The following LSAMP variants were observed in gnomAD, a reference collection of about 807,000 sequenced individuals.
LSAMP encodes the protein limbic system associated membrane protein.
A neutral mutation model predicts 38.6 loss-of-function variants in LSAMP; 7 were observed. That is an observed-to-expected ratio of 0.18 (90% CI 0.10 to 0.34). LSAMP has a LOEUF of 0.34. Among genes scored for constraint, LSAMP ranks in the 10% least tolerant of loss-of-function variants. LSAMP has a pLI of 1.00. For missense variants in LSAMP, 313 were observed against 420.0 expected, an observed-to-expected ratio of 0.75 and a Z score of 2.23; for synonymous variants, 154 against 166.8, an observed-to-expected ratio of 0.92 and a Z score of 0.59.
chr3:116,418,316 T>C (rs2049077532), intron 1 of LSAMP, among the ~76,000 whole-genome samples: 1 of 152,156 alleles, frequency 6.6e-6, no homozygotes, highest in Non-Finnish European at 1.5e-5. Flanking sequence ...CATCTCAAAC[T>C]CAGCATGTGT....
intron 1 of LSAMP, among the ~76,000 whole-genome samples, chr3:116,335,313 C>T (rs1007389704): frequency 2.6e-5 from 4 of 151,996 alleles, no homozygotes; most frequent in Admixed American, 1.3e-4. Flanking sequence ...GAATGAATGC[C>T]ATCCCTATCA....
chr3:116,302,686 AG>A (rs2047426276), intron 1 of LSAMP, among the ~76,000 whole-genome samples: 1 of 152,224 alleles, frequency 6.6e-6, no homozygotes, highest in Non-Finnish European at 1.5e-5. Context: ...TCAAAGTTAC[AG>A]ATCTGTTTTC....
intron 1 of LSAMP, among the ~76,000 whole-genome samples, chr3:116,413,245 A>T (rs1238443327): frequency 4.7e-4 from 3 of 6,448 alleles, no homozygotes; most frequent in Non-Finnish European, 4.8e-4. Flanking sequence ...TCATGACATT[A>T]TATATATATA....
In LSAMP at chr3:116,019,612, C is replaced by A. The variant is rs199591528; in HGVS notation, c.417G>T (p.Ser139=). ...QVPPKISNIS[S]DVTVNEGSNV... ...TGCTGCCCTCATTCACAGTGACATC[C>A]GAGGAGATATTGGAGATCTTTGGTG... The change falls in exon 3 of 7, where the codon TCG becomes TCT. Residue 139 remains serine, a synonymous_variant. Coordinates refer to ENST00000490035, the MANE Select transcript of LSAMP (RefSeq NM_002338.5). The A allele has an allele frequency of 3.7e-6, 6 of 1,612,614 alleles. No individual in the cohort carries two copies. The highest frequency in any genetic ancestry group is 5.1e-6 in the Non-Finnish European group (6 of 1,178,962).
intron 1 of LSAMP, among the ~76,000 whole-genome samples, chr3:116,273,835 C>T (rs976379781): frequency 1.2e-4 from 17 of 141,162 alleles, no homozygotes; most frequent in African/African-American, 2.7e-4. Flanking sequence ...CTCTCTCTTT[C>T]GCTTTCTCTT....
At chr3:116,178,657 A>C (rs987088799) in intron 1 of LSAMP, among the ~76,000 whole-genome samples, 1 of 152,192 alleles carries the variant, frequency 6.6e-6, no homozygotes, top group Non-Finnish European at 1.5e-5. Flanking sequence ...CACCTCTTTA[A>C]AAAAAGGCTA....
chr3:116,435,758 G>A (rs2049341511), intron 1 of LSAMP, among the ~76,000 whole-genome samples: 6 of 152,064 alleles, frequency 3.9e-5, no homozygotes, highest in Admixed American at 3.9e-4. Context: ...AAATCTACAA[G>A]GACTATAATG....
chr3:116,043,295 G>A (rs1941215189), intron 2 of LSAMP, among the ~76,000 whole-genome samples: 1 of 152,154 alleles, frequency 6.6e-6, no homozygotes, highest in Non-Finnish European at 1.5e-5. Flanking sequence ...AAGGGTCTAA[G>A]ACAAGCATTC....
intron 4 of LSAMP, among the ~76,000 whole-genome samples, chr3:115,847,877 A>G (rs1211849388): frequency 1.3e-5 from 2 of 152,220 alleles, no homozygotes; most frequent in Non-Finnish European, 1.5e-5. Context: ...ATAGTTGGCC[A>G]CTGTTGGTGT....
chr3:116,344,792 TAGTC>T (rs1213719131), intron 1 of LSAMP, among the ~76,000 whole-genome samples: 3 of 152,152 alleles, frequency 2.0e-5, no homozygotes, highest in African/African-American at 4.8e-5. Flanking sequence ...AATATTTACT[TAGTC>T]AGTCTAGCAC....
At chr3:116,024,748 A>T (rs1940740209) in intron 2 of LSAMP, among the ~76,000 whole-genome samples, 1 of 151,700 alleles carries the variant, frequency 6.6e-6, no homozygotes, top group Non-Finnish European at 1.5e-5. Context: ...TTATTCTATT[A>T]CCCTATAAAA....
chr3:116,425,567 G>A (rs1197919900), intron 1 of LSAMP, among the ~76,000 whole-genome samples: 1 of 152,064 alleles, frequency 6.6e-6, no homozygotes, highest in African/African-American at 2.4e-5. Flanking sequence ...ATATACTTGG[G>A]TGAGTATGTC....
chr3:116,178,097 G>A (rs1307249532), intron 1 of LSAMP, among the ~76,000 whole-genome samples: 1 of 5,486 alleles, frequency 1.8e-4, no homozygotes, highest in African/African-American at 2.7e-4. Context: ...TCTTGTGTAC[G>A]TGTGTGTGTG....
chr3:116,071,165 G>A (rs1707596436), intron 2 of LSAMP, among the ~76,000 whole-genome samples: 1 of 133,452 alleles, frequency 7.5e-6, no homozygotes, highest in Non-Finnish European at 1.6e-5. Context: ...AGATGATTTT[G>A]TGAGTTTGCA....
chr3:116,281,860 C>T (rs893541636), intron 1 of LSAMP, among the ~76,000 whole-genome samples: 1 of 152,114 alleles, frequency 6.6e-6, no homozygotes, highest in Non-Finnish European at 1.5e-5. Context: ...TACTAACCAA[C>T]AAATGTTAGT....
intron 1 of LSAMP, among the ~76,000 whole-genome samples, chr3:116,434,372 A>C (rs1267733079): frequency 6.6e-6 from 1 of 152,204 alleles, no homozygotes; most frequent in Admixed American, 6.5e-5. Flanking sequence ...AGACACAAGT[A>C]AACAAGATGT....
intron 1 of LSAMP, among the ~76,000 whole-genome samples, chr3:116,113,672 G>A (rs1399004458): frequency 1.3e-5 from 2 of 151,670 alleles, no homozygotes; most frequent in African/African-American, 2.4e-5. Flanking sequence ...TGATCCGCCC[G>A]CCTCGGCCTC....
intron 1 of LSAMP, among the ~76,000 whole-genome samples, chr3:116,169,043 A>G (rs1710130481): frequency 6.6e-6 from 1 of 152,140 alleles, no homozygotes; most frequent in Non-Finnish European, 1.5e-5. Flanking sequence ...TTCACAAAAA[A>G]TTTAAAAAAC....
At chr3:116,442,388 A>C (rs1576229113) in intron 1 of LSAMP, among the ~76,000 whole-genome samples, 1 of 152,162 alleles carries the variant, frequency 6.6e-6, no homozygotes, top group Non-Finnish European at 1.5e-5. Context: ...TGTGGCTTCC[A>C]ATGAATCAAG....
Sources: allele counts gnomAD v4.1 joint callset (sites outside exome capture counted in the v4.1 genomes callset), GRCh38; gene constraint gnomAD v4.1.1; transcripts MANE v1.5; gene names NCBI Gene and HGNC (gene_info 2026-07-23, HGNC 2026-07-21).